SPAG16: variants seen among roughly 807,000 people sequenced by gnomAD.
SPAG16 encodes the protein sperm-associated antigen 16 protein.
In SPAG16, 86 loss-of-function variants were observed where a neutral mutation model predicts 80.4. The observed-to-expected ratio is 1.07, with a 90% CI of 0.90 to 1.28. The LOEUF is 1.28. Among genes scored for constraint, SPAG16 ranks in the 50% most tolerant of loss-of-function variants. The pLI is 0.00. For synonymous variants in SPAG16, 294 were observed against 265.9 expected (o/e 1.11, Z -1.03); for missense variants, 870 against 765.3 (o/e 1.14, Z -1.61).
At chr2:214,002,293 A>G (rs189807632) in intron 12 of SPAG16, among the ~76,000 whole-genome samples, 2 of 152,204 alleles carry the variant, frequency 1.3e-5, no homozygotes, top group Non-Finnish European at 2.9e-5. Context: ...GCTCACATTC[A>G]TTCTTACTCT....
chr2:213,480,867 A>G (rs2073713594), intron 9 of SPAG16, among the ~76,000 whole-genome samples: 1 of 152,212 alleles, frequency 6.6e-6, no homozygotes, highest in Non-Finnish European at 1.5e-5. Flanking sequence ...TTATTATTAC[A>G]TAACAAGCTT....
chr2:213,859,970 A>G (rs2075349939), intron 10 of SPAG16, among the ~76,000 whole-genome samples: 1 of 152,138 alleles, frequency 6.6e-6, no homozygotes, highest in Non-Finnish European at 1.5e-5. Flanking sequence ...TTTTCAAACA[A>G]TGTTAAATAT....
intron 9 of SPAG16, among the ~76,000 whole-genome samples, chr2:213,385,675 G>A (rs1043825462): frequency 6.6e-6 from 1 of 152,138 alleles, no homozygotes; most frequent in African/African-American, 2.4e-5. Flanking sequence ...TTGGTGAAGA[G>A]AGGTGTGCTC....
At chr2:214,349,251 G>A (rs1167501586) in intron 15 of SPAG16, among the ~76,000 whole-genome samples, 1 of 152,108 alleles carries the variant, frequency 6.6e-6, no homozygotes, top group Non-Finnish European at 1.5e-5. Flanking sequence ...GAAAAAAGAA[G>A]GAATGAAACT....
intron 13 of SPAG16, among the ~76,000 whole-genome samples, chr2:214,097,365 C>T (rs1029337854): frequency 1.1e-4 from 16 of 152,048 alleles, no homozygotes; most frequent in East Asian, 1.9e-4. Context: ...TAAAAATATA[C>T]GCAGGAATGC....
At chr2:214,315,410 T>G (rs1300351673) in intron 15 of SPAG16, among the ~76,000 whole-genome samples, 1 of 152,200 alleles carries the variant, frequency 6.6e-6, no homozygotes, top group Non-Finnish European at 1.5e-5. Flanking sequence ...AGAAAAAGCA[T>G]GAGAAATTTC....
intron 10 of SPAG16, among the ~76,000 whole-genome samples, chr2:213,703,981 C>G (rs566959270): frequency 1.3e-4 from 20 of 152,182 alleles, no homozygotes; most frequent in Non-Finnish European, 2.4e-4. Flanking sequence ...AAGAAACTTA[C>G]ATAAGATCTA....
intron 14 of SPAG16, among the ~76,000 whole-genome samples, chr2:214,132,279 G>A (rs966641441): frequency 6.6e-6 from 1 of 152,134 alleles, no homozygotes. Flanking sequence ...AACTGAATGT[G>A]TAAATGATCT....
chr2:213,934,355 G>A (rs1044080422), intron 12 of SPAG16, among the ~76,000 whole-genome samples: 8 of 152,170 alleles, frequency 5.3e-5, no homozygotes, highest in Non-Finnish European at 1.2e-4. Context: ...CTTGTATTTT[G>A]TTTTGTTGGT....
intron 10 of SPAG16, among the ~76,000 whole-genome samples, chr2:213,768,526 A>T (rs1442030799): frequency 2.0e-5 from 3 of 152,208 alleles, no homozygotes; most frequent in Non-Finnish European, 4.4e-5. Context: ...ATTTACGAGG[A>T]CAGGTGACTG....
intron 15 of SPAG16, among the ~76,000 whole-genome samples, chr2:214,289,641 A>G (rs948100278): frequency 3.3e-5 from 5 of 152,170 alleles, no homozygotes; most frequent in African/African-American, 1.2e-4. Flanking sequence ...GCCGTCTAAC[A>G]TATTTTGAAG....
chr2:214,286,205 A>G (rs941788699), intron 15 of SPAG16, among the ~76,000 whole-genome samples: 9 of 152,084 alleles, frequency 5.9e-5, no homozygotes, highest in Admixed American at 5.9e-4. Context: ...TGGTCTGGGG[A>G]TACAAAGTTT....
chr2:213,345,260 T>A (rs1335308959), intron 6 of SPAG16, among the ~76,000 whole-genome samples: 1 of 144,424 alleles, frequency 6.9e-6, no homozygotes, highest in Non-Finnish European at 1.5e-5. Context: ...GTTTGAGTTC[T>A]TTGTAGATTC....
chr2:213,833,473 A>ATT (rs1431535446), intron 10 of SPAG16, among the ~76,000 whole-genome samples: 6 of 6,750 alleles, frequency 8.9e-4, no homozygotes, highest in Admixed American at 3.8e-3. Flanking sequence ...TATTATATAT[A>ATT]ATAATATATA....
At chr2:214,394,463 T>G (rs1422785821) in intron 15 of SPAG16, among the ~76,000 whole-genome samples, 1 of 152,196 alleles carries the variant, frequency 6.6e-6, no homozygotes, top group Non-Finnish European at 1.5e-5. Context: ...AAAATACATT[T>G]TAAAGCACCT....
At position 214,281,715 on chromosome 2, in the gene SPAG16, A is replaced by C. The variant is rs144349138; in HGVS notation, c.1721-128425A>C. Among the ~76,000 whole-genome samples, 139 of 152,334 alleles carry C rather than the reference A, an allele frequency of 9.1e-4. 3 individuals carry two copies. In the East Asian group the frequency reaches 0.025, roughly 27 times the overall value. ...ATACTCCTAAGAGAAACAAAAACAT[A>C]TGTCCATACAAAGACTTGTACCCAA... is the stretch of plus-strand genomic sequence containing the variant. On this transcript the variant is annotated intron_variant, in intron 15 of 15. Transcript: ENST00000331683.
At position 214,335,469 on chromosome 2, in the gene SPAG16, A is replaced by AATAT. The variant is rs35837849; in HGVS notation, c.1721-74659_1721-74656dup. ...TAAGCTTTCTAAATTAACATGGAGG[A>AATAT]ATATATATATATATAGATATATATA... On this transcript the variant is annotated intron_variant, in intron 15 of 15. Coordinates refer to ENST00000331683, the MANE Select transcript of SPAG16 (RefSeq NM_024532.5). Among the ~76,000 whole-genome samples, 151 of 150,070 alleles carry AATAT rather than the reference A, an allele frequency of 1.0e-3. 1 individual carries two copies. Among genetic ancestry groups the AATAT allele is most frequent in the Non-Finnish European group, 1.5e-3 (102 of 67,592 alleles).
chr2:214,033,192 C>G (rs1002119818), intron 13 of SPAG16, among the ~76,000 whole-genome samples: 2 of 152,162 alleles, frequency 1.3e-5, no homozygotes, highest in South Asian at 4.1e-4. Context: ...TGCATGATCA[C>G]TTATTTTTCC....
At chr2:214,184,531 G>A (rs2057409350) in intron 15 of SPAG16, among the ~76,000 whole-genome samples, 1 of 152,012 alleles carries the variant, frequency 6.6e-6, no homozygotes, top group African/African-American at 2.4e-5. Flanking sequence ...ACATTCTCAG[G>A]GAGAACTGTG....
Sources: allele counts gnomAD v4.1 joint callset (sites outside exome capture counted in the v4.1 genomes callset), GRCh38; gene constraint gnomAD v4.1.1; transcripts MANE v1.5; gene names NCBI Gene and HGNC (gene_info 2026-07-23, HGNC 2026-07-21).